The following TMEM132D variants were observed in gnomAD, a reference collection of about 807,000 sequenced individuals.
TMEM132D encodes the protein transmembrane protein 132D, also known as mature OL transmembrane protein.
A neutral mutation model predicts 62.3 loss-of-function variants in TMEM132D; 21 were observed. The ratio of observed to expected loss-of-function variants is 0.34; its 90% CI spans 0.24 to 0.49. The LOEUF is 0.49. Among genes scored for constraint, TMEM132D ranks in the 20% least tolerant of loss-of-function variants. The pLI is 0.99. For synonymous variants in TMEM132D, 621 were observed against 575.6 expected (o/e 1.08, Z -1.13); for missense variants, 1,346 against 1,402.8 (o/e 0.96, Z 0.65).
chr12:129,690,622 T>G (rs1219342193), intron 2 of TMEM132D, among the ~76,000 whole-genome samples: 1 of 152,152 alleles, frequency 6.6e-6, no homozygotes, highest in African/African-American at 2.4e-5. Context: ...TAATGACAAA[T>G]GGGCTAATTA....
intron 1 of TMEM132D, among the ~76,000 whole-genome samples, chr12:129,744,820 A>T (rs1869724431): frequency 6.6e-6 from 1 of 152,218 alleles, no homozygotes; most frequent in African/African-American, 2.4e-5. Context: ...AAAGGCAAGG[A>T]AATTATTAAT....
chr12:129,172,938 G>A (rs965346200), intron 5 of TMEM132D, among the ~76,000 whole-genome samples: 1 of 152,150 alleles, frequency 6.6e-6, no homozygotes, highest in African/African-American at 2.4e-5. Context: ...GAAAATGATG[G>A]GGGAATGGTG....
chr12:129,246,547 G>C (rs530342499), intron 4 of TMEM132D, among the ~76,000 whole-genome samples: 1 of 152,160 alleles, frequency 6.6e-6, no homozygotes, highest in Non-Finnish European at 1.5e-5. Flanking sequence ...CTTGAGGTTA[G>C]GAGTTTGAGA....
chr12:129,194,839 G>A (rs117037573), intron 5 of TMEM132D, among the ~76,000 whole-genome samples: 1,753 of 152,268 alleles, frequency 0.012, 14 homozygotes, highest in Non-Finnish European at 0.017. Flanking sequence ...GAAGAGAGGA[G>A]TCTTCCTCCT....
At chr12:129,609,398 G>T (rs968645251) in intron 2 of TMEM132D, among the ~76,000 whole-genome samples, 1 of 152,096 alleles carries the variant, frequency 6.6e-6, no homozygotes, top group African/African-American at 2.4e-5. Context: ...ATAGAGTCTT[G>T]CCAAGGACTC....
intron 3 of TMEM132D, among the ~76,000 whole-genome samples, chr12:129,373,735 T>C (rs890093208): frequency 6.6e-6 from 1 of 152,176 alleles, no homozygotes; most frequent in Admixed American, 6.5e-5. Context: ...CTTCTTATGT[T>C]CAGTGGTTCA....
At chr12:129,164,880 A>C (rs1417353799) in intron 5 of TMEM132D, among the ~76,000 whole-genome samples, 1 of 152,142 alleles carries the variant, frequency 6.6e-6, no homozygotes, top group Admixed American at 6.5e-5. Flanking sequence ...AACCTATTCT[A>C]CTCATAGGTA....
At chr12:129,899,342 T>TGATGGATGGAGGGATGGATG (rs1875265740) in intron 1 of TMEM132D, among the ~76,000 whole-genome samples, 2 of 114,982 alleles carry the variant, frequency 1.7e-5, no homozygotes, top group Non-Finnish European at 3.7e-5. Context: ...GATGGATGGA[T>TGATGGATGGAGGGATGGATG]GATGGATGGA....
chr12:129,802,206 C>G (rs1422192608), intron 1 of TMEM132D, among the ~76,000 whole-genome samples: 18 of 149,854 alleles, frequency 1.2e-4, no homozygotes, highest in African/African-American at 3.0e-4. Flanking sequence ...AGATACTCCT[C>G]GAGAAGAGCA....
intron 2 of TMEM132D, among the ~76,000 whole-genome samples, chr12:129,661,864 T>C (rs1176334110): frequency 6.6e-6 from 1 of 152,194 alleles, no homozygotes; most frequent in Non-Finnish European, 1.5e-5. Flanking sequence ...TCTAGGTGTG[T>C]TGTATAGGAT....
intron 2 of TMEM132D, among the ~76,000 whole-genome samples, chr12:129,662,791 CAAAAAA>C (rs34743737): frequency 1.6e-4 from 11 of 69,410 alleles, no homozygotes; most frequent in South Asian, 1.2e-3. Context: ...GATTCCATCT[CAAAAAA>C]AAAAAAAAAA....
intron 4 of TMEM132D, among the ~76,000 whole-genome samples, chr12:129,267,626 C>T (rs535944369): frequency 3.9e-5 from 6 of 152,128 alleles, no homozygotes; most frequent in African/African-American, 7.2e-5. Context: ...TTTATAGATT[C>T]GGTGCCATCC....
intron 3 of TMEM132D, among the ~76,000 whole-genome samples, chr12:129,501,561 AG>A (rs1875141293): frequency 6.6e-6 from 1 of 151,960 alleles, no homozygotes; most frequent in Admixed American, 6.6e-5. Context: ...GCTGGAGTGC[AG>A]GGTGTGACCA....
chr12:129,374,268 T>TGAGAGAGAGAGAGAGAGAGAGAGA (rs1566048946), intron 3 of TMEM132D, among the ~76,000 whole-genome samples: 1 of 28,276 alleles, frequency 3.5e-5, no homozygotes, highest in African/African-American at 1.3e-4. Context: ...ACCTCACACA[T>TGAGAGAGAGAGAGAGAGAGAGAGA]CAGAGAGAGA....
chr12:129,367,917 C>T (rs1870472962), intron 3 of TMEM132D, among the ~76,000 whole-genome samples: 1 of 151,828 alleles, frequency 6.6e-6, no homozygotes, highest in African/African-American at 2.4e-5. Flanking sequence ...TTCTGAGTAG[C>T]TGGAATCACA....
intron 3 of TMEM132D, among the ~76,000 whole-genome samples, chr12:129,467,019 T>C (rs1873933013): frequency 6.6e-6 from 1 of 152,196 alleles, no homozygotes; most frequent in African/African-American, 2.4e-5. Context: ...CCCTCAGAGC[T>C]GAATCTGTGA....
intron 1 of TMEM132D, among the ~76,000 whole-genome samples, chr12:129,701,555 C>A (rs1283574967): frequency 1.3e-5 from 2 of 152,298 alleles, no homozygotes; most frequent in African/African-American, 4.8e-5. Flanking sequence ...CCGTCACCAA[C>A]GAACAAAATC....
intron 3 of TMEM132D, among the ~76,000 whole-genome samples, chr12:129,417,605 A>G (rs1872164651): frequency 6.6e-6 from 1 of 152,256 alleles, no homozygotes; most frequent in Non-Finnish European, 1.5e-5. Flanking sequence ...ACCCTAGAAG[A>G]AAACCTAGGC....
intron 4 of TMEM132D, among the ~76,000 whole-genome samples, chr12:129,221,850 C>T (rs894858663): frequency 6.6e-6 from 1 of 152,144 alleles, no homozygotes; most frequent in Admixed American, 6.5e-5. Context: ...CAATGATGGG[C>T]TGTGGGTTTT....
Sources: allele counts gnomAD v4.1 joint callset (sites outside exome capture counted in the v4.1 genomes callset), GRCh38; gene constraint gnomAD v4.1.1; transcripts MANE v1.5; gene names NCBI Gene and HGNC (gene_info 2026-07-23, HGNC 2026-07-21).